LIN7A: variants seen among roughly 807,000 people sequenced by gnomAD.
LIN7A encodes the protein lin-7 cell polarity scaffold A, also known as protein lin-7 homolog A.
In LIN7A, 25 loss-of-function variants were observed where a neutral mutation model predicts 29.8. That is an observed-to-expected ratio of 0.84 (90% CI 0.61 to 1.17). The LOEUF is 1.17. Ranked by LOEUF, LIN7A falls within the 50% of genes most tolerant of loss-of-function variation. The pLI is 0.00. For missense variants in LIN7A, 239 were observed against 287.0 expected, an observed-to-expected ratio of 0.83 and a Z score of 1.21; for synonymous variants, 118 against 107.5, an observed-to-expected ratio of 1.10 and a Z score of -0.60.
At chr12:80,926,376 T>C (rs4601851) in intron 1 of LIN7A, among the ~76,000 whole-genome samples, 21,124 of 152,088 alleles carry the variant, frequency 0.14, 3,149 homozygotes, top group African/African-American at 0.36. Context: ...TATAAATTAC[T>C]TTTCCATCAA....
chr12:80,878,344 T>A (rs1471193271), intron 2 of LIN7A, among the ~76,000 whole-genome samples: 1 of 152,220 alleles, frequency 6.6e-6, no homozygotes, highest in Non-Finnish European at 1.5e-5. Context: ...TAAAATTCTG[T>A]TCCCCATGGG....
intron 1 of LIN7A, among the ~76,000 whole-genome samples, chr12:80,933,589 T>C (rs1019036361): frequency 6.6e-6 from 1 of 152,250 alleles, no homozygotes; most frequent in Non-Finnish European, 1.5e-5. Flanking sequence ...ATTCTAATTA[T>C]GAGTTACATC....
chr12:80,842,955 A>G (rs541959544), intron 4 of LIN7A, among the ~76,000 whole-genome samples: 44 of 146,288 alleles, frequency 3.0e-4, no homozygotes, highest in African/African-American at 1.1e-3. Flanking sequence ...AGTCTAGGGT[A>G]GTTAGCCAGC....
intron 5 of LIN7A, among the ~76,000 whole-genome samples, chr12:80,801,707 C>T (rs1259486955): frequency 6.6e-6 from 1 of 152,032 alleles, no homozygotes; most frequent in Admixed American, 6.6e-5. Flanking sequence ...TAAAAGCTAT[C>T]CTTTTAACAA....
chr12:80,871,369 A>G (rs1176128148), intron 2 of LIN7A, among the ~76,000 whole-genome samples: 1 of 152,180 alleles, frequency 6.6e-6, no homozygotes, highest in Non-Finnish European at 1.5e-5. Flanking sequence ...ATTGAATTGC[A>G]GTGTCTGAAA....
intron 1 of LIN7A, among the ~76,000 whole-genome samples, chr12:80,920,049 T>C (rs577729296): frequency 6.6e-6 from 1 of 152,304 alleles, no homozygotes; most frequent in Admixed American, 6.5e-5. Flanking sequence ...CTTCTCTTTT[T>C]ATTTTTCTTC....
chr12:80,904,205 A>G (rs1388282700), intron 1 of LIN7A, among the ~76,000 whole-genome samples: 1 of 152,188 alleles, frequency 6.6e-6, no homozygotes, highest in Non-Finnish European at 1.5e-5. Context: ...TTGCACACAC[A>G]TTATATACAA....
At chr12:80,859,063 G>C (rs919191541) in intron 2 of LIN7A, among the ~76,000 whole-genome samples, 1 of 152,092 alleles carries the variant, frequency 6.6e-6, no homozygotes, top group African/African-American at 2.4e-5. Flanking sequence ...GCCAGATGTA[G>C]CAATAAAAAT....
chr12:80,860,861 G>C (rs1216672678), intron 2 of LIN7A: 1 of 152,324 alleles, frequency 6.6e-6, no homozygotes, highest in Middle Eastern at 3.4e-3. Context: ...TTTGCATTAA[G>C]TTTCTTTTGA....
Position 80,845,794 on chromosome 12 carries a change from C to G in LIN7A, c.419G>C (p.Gly140Ala). ...GCCTCCGTGTCTTTCAGCCACCCCT[C>G]CAGGAATTATGCGAGAGATATAAAT... ...SPIYISRIIPGGVAERHGGLK... is the reference protein window; with the variant it reads ...SPIYISRIIPAGVAERHGGLK... The change falls in exon 4 of 6, where the codon GGA (glycine) becomes GCA (alanine). Residue 140 changes from glycine (G) to alanine (A), a missense_variant. Coordinates refer to ENST00000552864, the MANE Select transcript of LIN7A (RefSeq NM_004664.4). The G allele has an allele frequency of 6.2e-7, 1 of 1,613,970 alleles. No individual in the cohort carries two copies. The highest frequency in any genetic ancestry group is 8.5e-7 in the Non-Finnish European group (1 of 1,179,956).
chr12:80,854,485 C>CAAA (rs370465323), intron 2 of LIN7A, among the ~76,000 whole-genome samples: 609 of 37,110 alleles, frequency 0.016, 67 homozygotes, highest in East Asian at 0.043. Context: ...TGTTGCTAAG[C>CAAA]CAAAAAAAAA....
intron 4 of LIN7A, among the ~76,000 whole-genome samples, chr12:80,815,171 A>G (rs950336952): frequency 6.6e-6 from 1 of 152,104 alleles, no homozygotes; most frequent in Non-Finnish European, 1.5e-5. Context: ...TTTTGAGTAC[A>G]TATGCTTGTC....
At chr12:80,841,854 A>T in intron 4 of LIN7A, 5 of 988,716 alleles carry the variant, frequency 5.1e-6, no homozygotes, top group Non-Finnish European at 6.1e-6. Context: ...AGATCATTAG[A>T]AAGCTATAAA....
At chr12:80,899,073 T>C (rs1425038002) in intron 1 of LIN7A, among the ~76,000 whole-genome samples, 2 of 152,196 alleles carry the variant, frequency 1.3e-5, no homozygotes, top group Non-Finnish European at 2.9e-5. Context: ...TCAAGAGGAA[T>C]GCTTCCAGCT....
intron 5 of LIN7A, among the ~76,000 whole-genome samples, chr12:80,801,766 AC>A (rs1005123340): frequency 1.4e-4 from 21 of 152,308 alleles, no homozygotes; most frequent in Admixed American, 1.0e-3. Flanking sequence ...GCAATAGATC[AC>A]TAAAGCTTAT....
chr12:80,807,077 T>TTTTTTGTTG (rs1555221362), intron 5 of LIN7A, among the ~76,000 whole-genome samples: 2 of 115,538 alleles, frequency 1.7e-5, no homozygotes, highest in African/African-American at 6.5e-5. Flanking sequence ...TTTTTTTTTT[T>TTTTTTGTTG]TTTTTTTTTT....
At chr12:80,876,427 T>C (rs1053947002) in intron 2 of LIN7A, among the ~76,000 whole-genome samples, 2 of 151,878 alleles carry the variant, frequency 1.3e-5, no homozygotes, top group African/African-American at 2.4e-5. Flanking sequence ...ACAAGAGCAA[T>C]GTGAGCATTT....
chr12:80,863,211 G>A (rs1282292981), intron 2 of LIN7A, among the ~76,000 whole-genome samples: 1 of 152,208 alleles, frequency 6.6e-6, no homozygotes, highest in Non-Finnish European at 1.5e-5. Flanking sequence ...ATTTCTATTA[G>A]AGTTCTATTT....
intron 2 of LIN7A, among the ~76,000 whole-genome samples, chr12:80,869,712 C>G (rs1244837702): frequency 6.6e-6 from 1 of 151,166 alleles, no homozygotes; most frequent in Non-Finnish European, 1.5e-5. Flanking sequence ...GTCTATATAA[C>G]TACTAAAAGC....
Sources: allele counts gnomAD v4.1 joint callset (sites outside exome capture counted in the v4.1 genomes callset), GRCh38; gene constraint gnomAD v4.1.1; transcripts MANE v1.5; gene names NCBI Gene and HGNC (gene_info 2026-07-23, HGNC 2026-07-21).